The following TEX52 variants were observed in gnomAD, a reference collection of about 807,000 sequenced individuals.
TEX52 encodes the protein testis expressed 52.
Under a neutral mutation model 17.6 loss-of-function variants are expected in TEX52, and 22 were observed. That is an observed-to-expected ratio of 1.25 (90% confidence interval 0.89 to 1.78). The LOEUF (loss-of-function observed/expected upper bound fraction) is 1.78. TEX52 is among the 40% of genes most tolerant of loss of function. The pLI, the probability that TEX52 is intolerant of heterozygous loss-of-function variation, is 0.00. For missense variants in TEX52, 396 were observed against 372.3 expected (o/e 1.06, Z -0.52); for synonymous variants, 168 against 147.4 (o/e 1.14, Z -1.01).
intron 2 of TEX52, 47 bp downstream of exon 2, chr12:2,854,849 C>G: frequency 6.1e-6 from 9 of 1,486,604 alleles, no homozygotes; most frequent in Non-Finnish European, 6.3e-6. Context: ...GAGGGGTCAC[C>G]TGGGCAGGGC....
At chr12:2,853,770 C>T (rs905259967) in intron 2 of TEX52, among the ~76,000 whole-genome samples, 2 of 152,132 alleles carry the variant, frequency 1.3e-5, no homozygotes, top group Non-Finnish European at 2.9e-5. Context: ...AGTTGGGAAG[C>T]ATCCGTGAGT....
At position 2,855,416 on chromosome 12, in the gene TEX52, A is replaced by AG; in HGVS notation, c.102dup (p.Ser35LeufsTer8). ...AACTCACGCTGAGCCCACGTTTGGG[A>AG]GGGTGGGAGGGACTCGCTGGCCTGG... On this transcript the variant is annotated frameshift_variant, in exon 2 of 3. Transcript: ENST00000637658. LOFTEE classifies it high-confidence loss of function. 1 of 329,200 alleles carries AG rather than the reference A, an allele frequency of 3.0e-6. No individual in the cohort carries two copies. Among genetic ancestry groups the AG allele is most frequent in the Non-Finnish European group, 6.1e-6 (1 of 163,732 alleles). The allele number at this position is 329,200 out of a possible 1,614,324, so 20.4% of individuals were successfully genotyped here.
Position 2,856,002 on chromosome 12 carries a change from A to G in TEX52, c.73-556T>C, listed in dbSNP as rs557802815. Among the ~76,000 whole-genome samples, 141 of 152,276 alleles carry G rather than the reference A, an allele frequency of 9.3e-4. 1 individual carries two copies. Among genetic ancestry groups the G allele is most frequent in the African/African-American group, 3.3e-3 (136 of 41,560 alleles). The stretch of plus-strand genomic sequence containing the variant: ...CCACTCCTCATTAAAACGCTAGTAT[A>G]GAAAGCATCTAGAATGGCAGCTCCT... On this transcript the variant is annotated intron_variant, in intron 1 of 2. Coordinates refer to ENST00000637658, the MANE Select transcript of TEX52 (RefSeq NM_001365174.2).
chr12:2,851,518 T>C (rs944919780), intron 2 of TEX52, among the ~76,000 whole-genome samples: 3 of 152,016 alleles, frequency 2.0e-5, no homozygotes, highest in Admixed American at 1.3e-4. Flanking sequence ...AGTTTTTGTA[T>C]TTTTAGTGGA....
intron 1 of TEX52, among the ~76,000 whole-genome samples, chr12:2,855,962 A>G (rs912246868): frequency 6.6e-6 from 1 of 152,124 alleles, no homozygotes; most frequent in Non-Finnish European, 1.5e-5. Flanking sequence ...TTTGTCCGTC[A>G]CTGACGCTTT....
intron 1 of TEX52, among the ~76,000 whole-genome samples, chr12:2,856,163 A>G (rs927283706): frequency 3.9e-5 from 6 of 152,140 alleles, no homozygotes; most frequent in African/African-American, 1.2e-4. Flanking sequence ...CATCTCAAAG[A>G]TGCAGAAAGC....
rs35125854 is a variant in TEX52 at position 2,850,978 on chromosome 12, CTTTTTTT to C, written c.624-1460_624-1454del. 1.6e-4 allele frequency among the ~76,000 whole-genome samples: 13 copies of C among 81,668 alleles called. No homozygotes were observed. The South Asian group carries it at 5.5e-3, about 35-fold the overall frequency. The allele number at this position is 81,668 out of a possible 152,430, so 53.6% of individuals were successfully genotyped here. ...TGAGCCAACACACCAGGCCCAGAGT[CTTTTTTT>C]TTTTTTTTTTTTTTTTTGAGACAGA... On this transcript the variant is annotated intron_variant, in intron 2 of 2. Coordinates refer to ENST00000637658, the MANE Select transcript of TEX52 (RefSeq NM_001365174.2).
chr12:2,851,959 G>C (rs375479700), intron 2 of TEX52, among the ~76,000 whole-genome samples: 1 of 152,212 alleles, frequency 6.6e-6, no homozygotes, highest in Non-Finnish European at 1.5e-5. Context: ...GATTACAGGC[G>C]TGAGCCACCA....
intron 1 of TEX52, among the ~76,000 whole-genome samples, chr12:2,856,511 G>A (rs569167902): frequency 7.9e-5 from 12 of 152,080 alleles, no homozygotes; most frequent in South Asian, 2.1e-4. Flanking sequence ...GATTACAGGC[G>A]CGTGCCACCA....
Position 2,854,896 on chromosome 12 carries a change from T to A in TEX52, c.623A>T (p.Lys208Met). The part of the protein sequence containing the change: ...GNIQPPASFK[K>M]YRHISAGGRF... ...GCTCCCTGAGGAGGCACCGTCTTACTTCTTGAAGCTCGCTGGCGGCTGGAT... is the reference window on the plus strand; with the variant it reads ...GCTCCCTGAGGAGGCACCGTCTTACATCTTGAAGCTCGCTGGCGGCTGGAT... The change falls in exon 2 of 3, where the codon AAG becomes ATG. Residue 208 changes from lysine to methionine, a missense_variant and splice_region_variant. Physicochemically the swap from Lys to Met is moderately conservative, Grantham distance 95. Transcript: ENST00000637658. 1 of 1,531,544 alleles carries A rather than the reference T, an allele frequency of 6.5e-7. No individual in the cohort carries two copies. The highest frequency in any genetic ancestry group is 8.7e-7 in the Non-Finnish European group (1 of 1,144,390). 94.9% of individuals were successfully genotyped at this position (1,531,544 alleles called of 1,614,324 possible).
chr12:2,848,996 C>A, downstream of TEX52: 2 of 527,948 alleles, frequency 3.8e-6, no homozygotes, highest in South Asian at 2.3e-5. Context: ...GGCCGCAGTC[C>A]TCCCACCTTC....
downstream of TEX52, chr12:2,848,950 G>A (rs1565446688): frequency 2.3e-6 from 1 of 428,096 alleles, no homozygotes; most frequent in Non-Finnish European, 4.2e-6. Flanking sequence ...AGGAACTGGA[G>A]CCCCTCCCTG....
chr12:2,855,347 G>A lies in TEX52; in HGVS notation c.172C>T (p.Gln58Ter), dbSNP rs970237844. The A allele has an allele frequency of 1.6e-5, 24 of 1,531,808 alleles. No homozygotes were observed. The highest frequency in any genetic ancestry group is 2.0e-5 in the Non-Finnish European group (23 of 1,143,802). 94.9% of individuals were successfully genotyped at this position (1,531,808 alleles called of 1,614,324 possible). ...TTCAGAGCCAGCTGGTGGTAGGCTT[G>A]CCGGGTGAAGCCAGGGAACTCCCAG... The part of the protein sequence containing the change: ...ESWEFPGFTR[Q>*]AYHQLALKLP... Residue 58 changes from glutamine (Q) to a stop codon, truncating the protein, a stop_gained, in exon 2 of 3, where the codon CAA (glutamine) becomes TAA (stop). Coordinates refer to ENST00000637658, the MANE Select transcript of TEX52 (RefSeq NM_001365174.2). LOFTEE classifies it high-confidence loss of function.
chr12:2,848,875 ACG>A (rs528373473), downstream of TEX52, among the ~76,000 whole-genome samples: 5 of 116,824 alleles, frequency 4.3e-5, no homozygotes, highest in Admixed American at 2.1e-4. Flanking sequence ...AGACACACAC[ACG>A]CACACACACA....
chr12:2,849,472 A>G lies in TEX52; in HGVS notation c.677T>C (p.Met226Thr), dbSNP rs1320576705. 4 of 1,536,198 alleles carry G rather than the reference A, an allele frequency of 2.6e-6. No individual in the cohort carries two copies. Among genetic ancestry groups the G allele is most frequent in the Non-Finnish European group, 3.5e-6 (4 of 1,146,924 alleles). Reference protein sequence around the residue: ...GRFEPQGLQLMPNPFPNNFAR... With the variant: ...GRFEPQGLQLTPNPFPNNFAR... ...GAAATTATTGGGAAACGGGTTGGGC[A>G]TGAGCTGGAGGCCCTGGGGTTCAAA... Residue 226 changes from methionine (M) to threonine (T), a missense_variant, in exon 3 of 3, where the codon ATG (methionine) becomes ACG (threonine). Met to Thr is a moderately conservative substitution (Grantham distance 81, BLOSUM62 -1). Transcript: ENST00000637658.
chr12:2,850,648 CTTTG>C (rs2098067101), intron 2 of TEX52, among the ~76,000 whole-genome samples: 1 of 145,560 alleles, frequency 6.9e-6, no homozygotes, highest in African/African-American at 2.7e-5. Flanking sequence ...GATCCAGAGT[CTTTG>C]TTTTTGTTTT....
At chr12:2,850,844 A>G (rs545642283) in intron 2 of TEX52, among the ~76,000 whole-genome samples, 74 of 150,874 alleles carry the variant, frequency 4.9e-4, no homozygotes, top group African/African-American at 1.6e-3. Flanking sequence ...CTAATTTTTT[A>G]TATTTTTAGT....
intron 2 of TEX52, among the ~76,000 whole-genome samples, chr12:2,852,867 C>T (rs534603711): frequency 2.4e-4 from 37 of 152,054 alleles, no homozygotes; most frequent in Admixed American, 1.7e-3. Context: ...GGCATGGTGA[C>T]GGGAGCCTGT....
intron 2 of TEX52, 62 bp from the exon 3 acceptor site, chr12:2,849,587 G>T: frequency 1.3e-6 from 2 of 1,520,948 alleles, no homozygotes; most frequent in Non-Finnish European, 1.8e-6. Context: ...GGACAGTGGA[G>T]AGACGGGGAA....
Sources: allele counts gnomAD v4.1 joint callset (sites outside exome capture counted in the v4.1 genomes callset), GRCh38; gene constraint gnomAD v4.1.1; transcripts MANE v1.5; gene names NCBI Gene and HGNC (gene_info 2026-07-23, HGNC 2026-07-21).